The following CCDC15 variants were observed in gnomAD, a reference collection of about 807,000 sequenced individuals.
CCDC15 encodes the protein coiled-coil domain-containing protein 15.
A neutral mutation model predicts 114.5 loss-of-function variants in CCDC15; 105 were observed. The ratio of observed to expected loss-of-function variants is 0.92; its 90% CI spans 0.78 to 1.08. CCDC15 has a LOEUF of 1.08. Ranked by LOEUF, CCDC15 falls within the 50% of genes least tolerant of loss-of-function variation. The probability of loss-of-function intolerance (pLI) is 0.00; values close to 1 mark genes in which losing one functional copy is unlikely to be tolerated. For missense variants in CCDC15, 1,105 were observed against 1,093.6 expected (o/e 1.01, Z -0.15); for synonymous variants, 334 against 377.8 (o/e 0.88, Z 1.34).
Position 124,967,671 on chromosome 11 carries a change from G to A in CCDC15, c.517-7425G>A, listed in dbSNP as rs923432991. 1.8e-4 allele frequency among the ~76,000 whole-genome samples: 28 copies of A among 152,270 alleles called. 1 individual carries two copies. Among genetic ancestry groups the A allele is most frequent in the Non-Finnish European group, 3.4e-4 (23 of 68,028 alleles). ...GTCATTCTCCATCCAGCTTTGTTCC[G>A]TTGCTGGCGAGGAGCTGTGATCCTT... On this transcript the variant is annotated intron_variant, in intron 4 of 15. Coordinates refer to ENST00000344762, the MANE Select transcript of CCDC15 (RefSeq NM_025004.3).
intron 13 of CCDC15, among the ~76,000 whole-genome samples, chr11:125,028,497 C>A (rs1319249684): frequency 6.6e-6 from 1 of 152,002 alleles, no homozygotes; most frequent in East Asian, 1.9e-4. Flanking sequence ...AAGTATATTC[C>A]TAAGGTTGGT....
intron 2 of CCDC15, among the ~76,000 whole-genome samples, chr11:124,955,962 G>A (rs1349303252): frequency 2.6e-5 from 4 of 152,192 alleles, no homozygotes; most frequent in Middle Eastern, 3.4e-3. Flanking sequence ...GAATTTGATC[G>A]GAGAAGGGAA....
chr11:125,025,713 A>G (rs937365102), intron 13 of CCDC15, among the ~76,000 whole-genome samples: 1 of 152,084 alleles, frequency 6.6e-6, no homozygotes, highest in African/African-American at 2.4e-5. Context: ...ATATTTATTA[A>G]TGTCATATTT....
intron 13 of CCDC15, among the ~76,000 whole-genome samples, chr11:125,025,027 T>TATATATGA (rs1948686548): frequency 2.9e-5 from 4 of 140,266 alleles, no homozygotes; most frequent in Non-Finnish European, 6.1e-5. Flanking sequence ...TATATGAATA[T>TATATATGA]ATATATGAAT....
At chr11:125,011,208 CT>C (rs1948589246) in intron 13 of CCDC15, among the ~76,000 whole-genome samples, 1 of 149,514 alleles carries the variant, frequency 6.7e-6, no homozygotes, top group African/African-American at 2.5e-5. Flanking sequence ...GCAACTGTTT[CT>C]GTAATAGAAG....
chr11:124,986,782 C>G lies in CCDC15; in HGVS notation c.794C>G (p.Ser265Cys). 6.5e-7 allele frequency: 1 copy of G among 1,549,320 alleles called. No individual in the cohort carries two copies. The highest frequency in any genetic ancestry group is 8.7e-7 in the Non-Finnish European group (1 of 1,146,102). Residue 265 changes from serine (S) to cysteine (C), a missense_variant, in exon 7 of 16, where the codon TCT becomes TGT. Ser to Cys is a moderately radical substitution (Grantham distance 112). Coordinates refer to ENST00000344762, the MANE Select transcript of CCDC15 (RefSeq NM_025004.3). ...GAACCTGACTATGAGGAATCTTCAT[C>G]TCTTGTAACTGATGAGAAAGGGAAA... Reference protein sequence around the residue: ...YEEPDYEESSSLVTDEKGKED... With the variant: ...YEEPDYEESSCLVTDEKGKED...
chr11:124,987,710 C>G lies in CCDC15; in HGVS notation c.1484C>G (p.Pro495Arg). The G allele has an allele frequency of 1.2e-6, 2 of 1,613,954 alleles. No homozygotes were observed. The highest frequency in any genetic ancestry group is 1.7e-5 in the Admixed American group (1 of 60,010). ...CTCCCCAAAGACCAAGATATTCTGC[C>G]AAAATATCAGGACCAGAATTTTCTA... ...HVLPKDQDIL[P>R]KYQDQNFLPK... The change falls in exon 8 of 16, where the codon CCA becomes CGA. Residue 495 changes from proline (P) to arginine (R), a missense_variant. Coordinates refer to ENST00000344762, the MANE Select transcript of CCDC15 (RefSeq NM_025004.3).
chr11:125,019,395 G>A (rs2135534913), intron 13 of CCDC15, among the ~76,000 whole-genome samples: 1 of 151,992 alleles, frequency 6.6e-6, no homozygotes, highest in Admixed American at 6.6e-5. Context: ...AACCTTTTAA[G>A]GTAGATTTGA....
At chr11:125,007,686 T>C (rs1156687348) in intron 13 of CCDC15, among the ~76,000 whole-genome samples, 2 of 152,220 alleles carry the variant, frequency 1.3e-5, no homozygotes, top group Admixed American at 6.5e-5. Context: ...TGTATTAATT[T>C]ACATTCCCAC....
At chr11:124,979,875 C>T (rs1218780316) in intron 6 of CCDC15, among the ~76,000 whole-genome samples, 5 of 152,014 alleles carry the variant, frequency 3.3e-5, no homozygotes, top group Non-Finnish European at 7.4e-5. Flanking sequence ...TCCAGTTTTG[C>T]CTATTCAGTA....
chr11:124,960,139 T>TCC lies in CCDC15; in HGVS notation c.516+136_516+137insCC, dbSNP rs1159518956. 1.6e-3 allele frequency: 756 copies of TCC among 462,960 alleles called. 2 individuals are homozygous for TCC. Among genetic ancestry groups the TCC allele is most frequent in the African/African-American group, 3.1e-3 (147 of 46,924 alleles). 28.7% of individuals were successfully genotyped at this position (462,960 alleles called of 1,614,324 possible). On this transcript the variant is annotated intron_variant, in intron 4 of 15. Coordinates refer to ENST00000344762, the MANE Select transcript of CCDC15 (RefSeq NM_025004.3). ...TCACTTTTGATAATCATCCCCCTTT[T>TCC]TTTTTTTTTTTAGCTTTGTAAAGTG...
intron 4 of CCDC15, among the ~76,000 whole-genome samples, chr11:124,968,388 G>C (rs1302849036): frequency 6.6e-6 from 1 of 152,190 alleles, no homozygotes; most frequent in Non-Finnish European, 1.5e-5. Flanking sequence ...CAGCCAGGCT[G>C]CTGCCTCGCA....
intron 4 of CCDC15, among the ~76,000 whole-genome samples, chr11:124,971,731 A>G (rs910520502): frequency 6.6e-6 from 1 of 152,188 alleles, no homozygotes; most frequent in Admixed American, 6.5e-5. Context: ...TTATTAAAAA[A>G]GATAAGTACT....
intron 5 of CCDC15, among the ~76,000 whole-genome samples, chr11:124,975,758 C>T (rs2135459781): frequency 6.6e-6 from 1 of 152,192 alleles, no homozygotes; most frequent in Non-Finnish European, 1.5e-5. Flanking sequence ...GAGGCTAATA[C>T]TGATTATTTC....
chr11:125,023,313 A>G (rs1405780296), intron 13 of CCDC15, among the ~76,000 whole-genome samples: 1 of 152,036 alleles, frequency 6.6e-6, no homozygotes, highest in African/African-American at 2.4e-5. Context: ...AAGATTGATA[A>G]GTTGGACTTC....
At chr11:124,967,467 G>A (rs942894974) in intron 4 of CCDC15, among the ~76,000 whole-genome samples, 1 of 152,112 alleles carries the variant, frequency 6.6e-6, no homozygotes, top group African/African-American at 2.4e-5. Context: ...CTCGTGCATG[G>A]TTTTCAGCTC....
intron 6 of CCDC15, 78 bp downstream of exon 6, chr11:124,977,678 G>A: frequency 2.9e-6 from 4 of 1,386,116 alleles, no homozygotes; most frequent in South Asian, 1.5e-5. Context: ...ATGGGATAAA[G>A]GGTTAAGATA....
In CCDC15 at chr11:125,040,297, A is replaced by G. The variant is rs146169437; in HGVS notation, c.2735-293A>G. ...AGTGATCCGCCTGCCTCAGCCTCCCAAAGTGCTGGAATTACAGGTGTGAGC... is the reference window on the plus strand; with the variant it reads ...AGTGATCCGCCTGCCTCAGCCTCCCGAAGTGCTGGAATTACAGGTGTGAGC... On this transcript the variant is annotated intron_variant, in intron 15 of 15. Coordinates refer to ENST00000344762, the MANE Select transcript of CCDC15 (RefSeq NM_025004.3). 2.0e-3 allele frequency among the ~76,000 whole-genome samples: 303 copies of G among 152,266 alleles called. 2 individuals are homozygous for G. The East Asian group carries it at 0.033, about 17-fold the overall frequency.
chr11:125,008,262 C>G lies in CCDC15; in HGVS notation c.2411+3050C>G. 1.3e-5 allele frequency among the ~76,000 whole-genome samples: 2 copies of G among 152,214 alleles called. 1 individual carries two copies. Among genetic ancestry groups the G allele is most frequent in the South Asian group, 4.2e-4 (2 of 4,816 alleles). ...TTATATATTTTTTGTTAGACTTATA[C>G]CTAAATCTTTCATTTTGGAAATACA... On this transcript the variant is annotated intron_variant, in intron 13 of 15. Transcript: ENST00000344762.
Sources: allele counts gnomAD v4.1 joint callset (sites outside exome capture counted in the v4.1 genomes callset), GRCh38; gene constraint gnomAD v4.1.1; transcripts MANE v1.5; gene names NCBI Gene and HGNC (gene_info 2026-07-23, HGNC 2026-07-21).